The following LINGO2 variants were observed in gnomAD, a reference collection of about 807,000 sequenced individuals.
The protein encoded by LINGO2 is leucine-rich repeat and immunoglobulin-like domain-containing nogo receptor-interacting protein 2.
In LINGO2, 14 loss-of-function variants were observed where a neutral mutation model predicts 30.6. The ratio of observed to expected loss-of-function variants is 0.46; its 90% CI spans 0.30 to 0.72. LINGO2 has a LOEUF of 0.72. Ranked by LOEUF, LINGO2 falls within the 30% of genes least tolerant of loss-of-function variation. The pLI is 0.07. For synonymous variants in LINGO2, 317 were observed against 288.5 expected (o/e 1.10, Z -1.00); for missense variants, 729 against 751.7 (o/e 0.97, Z 0.35).
intron 4 of LINGO2, among the ~76,000 whole-genome samples, chr9:28,096,552 T>C (rs886738589): frequency 6.6e-5 from 10 of 152,104 alleles, no homozygotes; most frequent in Admixed American, 6.6e-4. Context: ...AGACAGAAAG[T>C]ATTGGCTTTG....
chr9:29,191,974 C>A, the LINGO2 span, among the ~76,000 whole-genome samples: 1 of 151,514 alleles, frequency 6.6e-6, no homozygotes, highest in Admixed American at 6.6e-5. Context: ...TAATTTTATT[C>A]TCCCACTAAA....
intron 5 of LINGO2, among the ~76,000 whole-genome samples, chr9:27,961,921 T>A (rs953650260): frequency 6.6e-6 from 1 of 152,184 alleles, no homozygotes; most frequent in Non-Finnish European, 1.5e-5. Flanking sequence ...GGGTGAGACC[T>A]GGTGTCCTTC....
chr9:28,623,274 T>A (rs1479186663), intron 1 of LINGO2, among the ~76,000 whole-genome samples: 2 of 152,122 alleles, frequency 1.3e-5, no homozygotes, highest in South Asian at 2.1e-4. Context: ...CCCAGACCAA[T>A]GTCCTGTAGA....
chr9:28,596,787 A>G (rs1381976058), intron 1 of LINGO2, among the ~76,000 whole-genome samples: 1 of 152,166 alleles, frequency 6.6e-6, no homozygotes, highest in Non-Finnish European at 1.5e-5. Context: ...GTCTGATAGT[A>G]TAGTTCAAAT....
At chr9:28,426,341 G>A (rs917510836) in intron 2 of LINGO2, among the ~76,000 whole-genome samples, 3 of 151,998 alleles carry the variant, frequency 2.0e-5, no homozygotes, top group Admixed American at 6.6e-5. Context: ...GACATAGGAC[G>A]TGTAATTCCA....
chr9:28,244,385 A>G (rs995583227), intron 4 of LINGO2, among the ~76,000 whole-genome samples: 4 of 152,332 alleles, frequency 2.6e-5, no homozygotes, highest in Non-Finnish European at 4.4e-5. Flanking sequence ...AAAGATCTCA[A>G]ATCGACAGAA....
At chr9:28,759,112 G>A in the LINGO2 span, among the ~76,000 whole-genome samples, 6 of 151,866 alleles carry the variant, frequency 4.0e-5, no homozygotes, top group Non-Finnish European at 8.8e-5. Flanking sequence ...TGTTTTCATG[G>A]CTCTCAAGTG....
At chr9:28,064,580 C>T (rs1338494043) in intron 4 of LINGO2, among the ~76,000 whole-genome samples, 2 of 152,144 alleles carry the variant, frequency 1.3e-5, no homozygotes, top group Admixed American at 1.3e-4. Context: ...TTAGTAATAT[C>T]TGGGGCACTA....
the LINGO2 span, among the ~76,000 whole-genome samples, chr9:29,107,331 A>G: frequency 2.6e-5 from 4 of 152,148 alleles, no homozygotes; most frequent in Non-Finnish European, 5.9e-5. Flanking sequence ...ATTGAAAAAT[A>G]ATATTTTTGT....
At chr9:28,077,161 A>G (rs551648192) in intron 4 of LINGO2, among the ~76,000 whole-genome samples, 9 of 152,314 alleles carry the variant, frequency 5.9e-5, no homozygotes, top group Admixed American at 5.2e-4. Flanking sequence ...AATAAAAACC[A>G]GTCTGAAATC....
the LINGO2 span, among the ~76,000 whole-genome samples, chr9:28,700,054 G>T: frequency 1.4e-4 from 21 of 152,060 alleles, no homozygotes; most frequent in African/African-American, 4.8e-4. Flanking sequence ...TTTGAAGCAT[G>T]TGATCTTTGT....
the LINGO2 span, among the ~76,000 whole-genome samples, chr9:29,177,745 A>G: frequency 6.6e-6 from 1 of 152,220 alleles, no homozygotes; most frequent in Admixed American, 6.5e-5. Context: ...GTTGAGGATA[A>G]AAGGGATTTA....
intron 1 of LINGO2, among the ~76,000 whole-genome samples, chr9:28,660,778 C>T (rs1423822170): frequency 1.3e-5 from 2 of 151,898 alleles, no homozygotes; most frequent in Admixed American, 6.6e-5. Context: ...TGTTTCCCTC[C>T]ATAGTCAATA....
chr9:28,617,522 C>G (rs558551457), intron 1 of LINGO2, among the ~76,000 whole-genome samples: 1 of 152,140 alleles, frequency 6.6e-6, no homozygotes, highest in East Asian at 1.9e-4. Context: ...GTCTCGATCT[C>G]CTGACCTCGT....
chr9:28,649,516 C>CAATA (rs1175379663), intron 1 of LINGO2, among the ~76,000 whole-genome samples: 1 of 152,070 alleles, frequency 6.6e-6, no homozygotes, highest in Admixed American at 6.6e-5. Context: ...TGCCTCCTAA[C>CAATA]AATAAATAAA....
chr9:28,150,742 G>T (rs563122361), intron 4 of LINGO2, among the ~76,000 whole-genome samples: 1 of 152,316 alleles, frequency 6.6e-6, no homozygotes, highest in South Asian at 2.1e-4. Flanking sequence ...GATTTATCCA[G>T]AGTATCAGAA....
At chr9:29,162,619 C>A in the LINGO2 span, among the ~76,000 whole-genome samples, 10 of 152,094 alleles carry the variant, frequency 6.6e-5, no homozygotes, top group African/African-American at 2.2e-4. Context: ...ATAGCCAAGT[C>A]ATTAAACATT....
the LINGO2 span, among the ~76,000 whole-genome samples, chr9:29,179,372 A>T: frequency 6.6e-6 from 1 of 151,544 alleles, no homozygotes; most frequent in South Asian, 2.1e-4. Context: ...GACTCTAAGG[A>T]ATACATAGAA....
intron 4 of LINGO2, among the ~76,000 whole-genome samples, chr9:28,204,169 A>T (rs531012568): frequency 6.6e-6 from 1 of 152,288 alleles, no homozygotes; most frequent in African/African-American, 2.4e-5. Context: ...TTTCCTAGAC[A>T]TCATGTATTA....
Sources: gnomAD v4.1 joint callset for allele counts (sites outside exome capture counted in the v4.1 genomes callset) on GRCh38, gnomAD v4.1.1 for gene constraint, MANE v1.5 for transcripts, NCBI Gene and HGNC (gene_info 2026-07-23, HGNC 2026-07-21) for gene names.